The following CPNE8 variants were observed in gnomAD, a reference collection of about 807,000 sequenced individuals.
CPNE8 encodes copine-8.
Under a neutral mutation model 81.5 loss-of-function variants are expected in CPNE8, and 45 were observed. The ratio of observed to expected loss-of-function variants is 0.55; its 90% CI spans 0.44 to 0.71. CPNE8 has a LOEUF of 0.71. CPNE8 is among the 30% of genes least tolerant of loss of function. CPNE8 has a pLI of 0.00. For synonymous variants in CPNE8, 252 were observed against 226.3 expected (o/e 1.11, Z -1.02); for missense variants, 594 against 672.1 (o/e 0.88, Z 1.28).
chr12:38,805,820 GT>G (rs1415426043), intron 6 of CPNE8, among the ~76,000 whole-genome samples: 9 of 149,578 alleles, frequency 6.0e-5, no homozygotes, highest in Non-Finnish European at 1.2e-4. Context: ...CCAGGAGCTG[GT>G]TTTTTGAAAG....
At chr12:38,803,516 T>C (rs1347010216) in intron 6 of CPNE8, among the ~76,000 whole-genome samples, 4 of 147,084 alleles carry the variant, frequency 2.7e-5, no homozygotes, top group Admixed American at 6.9e-5. Context: ...TTCAGAATAA[T>C]AAGAGCTATC....
At chr12:38,842,494 G>C (rs1943486520) in intron 4 of CPNE8, among the ~76,000 whole-genome samples, 1 of 151,110 alleles carries the variant, frequency 6.6e-6, no homozygotes, top group Admixed American at 6.6e-5. Flanking sequence ...TTATCTCATA[G>C]GTAATTTACA....
rs545456919 is a variant in CPNE8 at position 38,896,874 on chromosome 12, C to T, written c.98+8563G>A. 9.9e-5 allele frequency among the ~76,000 whole-genome samples: 15 copies of T among 152,218 alleles called. 1 individual carries two copies. In the South Asian group the frequency reaches 2.5e-3, roughly 25 times the overall value. ...AATTTTTCCAAAGTACAGATACCTT[C>T]TTCTATGTTGCTGTGTGCCACACAG... On this transcript the variant is annotated intron_variant, in intron 1 of 19. Transcript: ENST00000331366.
chr12:38,859,288 T>C (rs1012871612), intron 3 of CPNE8, among the ~76,000 whole-genome samples: 3 of 152,132 alleles, frequency 2.0e-5, no homozygotes, highest in Non-Finnish European at 4.4e-5. Flanking sequence ...GTTGTGCTTT[T>C]TATACACCAA....
chr12:38,777,409 T>A (rs1164484518), intron 6 of CPNE8, among the ~76,000 whole-genome samples: 1 of 152,222 alleles, frequency 6.6e-6, no homozygotes, highest in African/African-American at 2.4e-5. Flanking sequence ...AAGTTTAAAA[T>A]ATTTTAAAGT....
chr12:38,689,344 G>T (rs1939615895), intron 15 of CPNE8, among the ~76,000 whole-genome samples: 1 of 152,190 alleles, frequency 6.6e-6, no homozygotes, highest in Admixed American at 6.5e-5. Flanking sequence ...GGATTGTGCT[G>T]AGGGTGTGGA....
intron 6 of CPNE8, among the ~76,000 whole-genome samples, chr12:38,796,903 A>G (rs536716773): frequency 4.6e-5 from 7 of 152,180 alleles, no homozygotes; most frequent in Non-Finnish European, 7.3e-5. Context: ...TATCCCGCAC[A>G]TGGCTCAGAG....
intron 13 of CPNE8, among the ~76,000 whole-genome samples, chr12:38,722,615 C>G (rs919809068): frequency 1.3e-5 from 2 of 152,164 alleles, no homozygotes. Context: ...TGTTATTCAT[C>G]ATGAAGTTAC....
Position 38,724,871 on chromosome 12 carries a change from T to G in CPNE8, c.827A>C (p.Lys276Thr), listed in dbSNP as rs758401168. ...EVVNPKKKGK[K>T]KKYTNSGTVT... ...TGTTCCAGAATTAGTATATTTTTTC[T>G]TTTTTCCTTTCTTTTTGGGATTCAC... is the stretch of plus-strand genomic sequence containing the variant. The change falls in exon 12 of 20, where the codon AAG becomes ACG. Residue 276 changes from lysine (K) to threonine (T), a missense_variant. By Grantham distance (78) the Lys-to-Thr change is moderately conservative. Transcript: ENST00000331366. The G allele has an allele frequency of 3.3e-5, 49 of 1,505,928 alleles. No homozygotes were observed. Among genetic ancestry groups the G allele is most frequent in the Non-Finnish European group, 4.5e-5 (49 of 1,090,494 alleles). The allele number at this position is 1,505,928 out of a possible 1,614,324, so 93.3% of individuals were successfully genotyped here. A position where few individuals can be genotyped will look rare whatever the true frequency, so the allele number is the denominator to read the frequency against.
chr12:38,856,607 T>A (rs1478903994), intron 3 of CPNE8, among the ~76,000 whole-genome samples: 2 of 152,174 alleles, frequency 1.3e-5, no homozygotes, highest in Admixed American at 1.3e-4. Context: ...CCTATAATAT[T>A]CTGAATCGAT....
chr12:38,796,901 AC>A (rs1246473109), intron 6 of CPNE8, among the ~76,000 whole-genome samples: 1 of 152,196 alleles, frequency 6.6e-6, no homozygotes, highest in Admixed American at 6.5e-5. Flanking sequence ...TATATCCCGC[AC>A]ATGGCTCAGA....
intron 6 of CPNE8, among the ~76,000 whole-genome samples, chr12:38,810,389 G>T (rs1942910710): frequency 6.6e-6 from 1 of 152,116 alleles, no homozygotes; most frequent in South Asian, 2.1e-4. Context: ...ATATCTCCCT[G>T]AAGTTTTAGC....
intron 5 of CPNE8, among the ~76,000 whole-genome samples, chr12:38,833,603 C>T (rs901033915): frequency 7.9e-5 from 12 of 151,134 alleles, no homozygotes; most frequent in African/African-American, 1.2e-4. Flanking sequence ...CTCAGCCTCC[C>T]GAGTAGCTGG....
At chr12:38,717,398 TCG>T (rs1940422232) in intron 13 of CPNE8, among the ~76,000 whole-genome samples, 1 of 124,148 alleles carries the variant, frequency 8.1e-6, no homozygotes, top group Admixed American at 9.0e-5. Context: ...TATGTGCCCA[TCG>T]ACCAACAAGT....
intron 10 of CPNE8, among the ~76,000 whole-genome samples, chr12:38,746,586 A>C (rs1941231616): frequency 6.6e-6 from 1 of 152,204 alleles, no homozygotes; most frequent in South Asian, 2.1e-4. Flanking sequence ...GCTTTCTTTC[A>C]TTAGAAGACT....
intron 16 of CPNE8, among the ~76,000 whole-genome samples, chr12:38,679,382 T>C (rs916757537): frequency 6.6e-6 from 1 of 152,020 alleles, no homozygotes; most frequent in East Asian, 1.9e-4. Context: ...AAGCAGATCA[T>C]AGTAAACTTG....
chr12:38,774,224 T>C (rs898049286), intron 7 of CPNE8, among the ~76,000 whole-genome samples: 4 of 152,116 alleles, frequency 2.6e-5, no homozygotes, highest in Admixed American at 6.6e-5. Context: ...TACTTTGAAA[T>C]AGAACAGATA....
At chr12:38,761,012 G>T in intron 9 of CPNE8, 124 bp from the exon 10 acceptor site, 2 of 713,692 alleles carry the variant, frequency 2.8e-6, no homozygotes, top group Non-Finnish European at 4.6e-6. Flanking sequence ...TTTTACATAT[G>T]AATTTGAAGT....
At chr12:38,898,061 A>T (rs954904521) in intron 1 of CPNE8, among the ~76,000 whole-genome samples, 4 of 152,158 alleles carry the variant, frequency 2.6e-5, no homozygotes, top group African/African-American at 9.6e-5. Context: ...GAGGAATTGT[A>T]TTTCTTCTCA....
Sources: gnomAD v4.1 joint callset for allele counts (sites outside exome capture counted in the v4.1 genomes callset) on GRCh38, gnomAD v4.1.1 for gene constraint, MANE v1.5 for transcripts, NCBI Gene and HGNC (gene_info 2026-07-23, HGNC 2026-07-21) for gene names.